PIK3R5: variants seen among roughly 807,000 people sequenced by gnomAD.
The protein encoded by PIK3R5 is phosphoinositide-3-kinase regulatory subunit 5.
A neutral mutation model predicts 94.9 loss-of-function variants in PIK3R5; 32 were observed. That is an observed-to-expected ratio of 0.34 (90% CI 0.25 to 0.45). PIK3R5 has a LOEUF of 0.45. PIK3R5 is among the 20% of genes least tolerant of loss of function. The pLI, the probability that PIK3R5 is intolerant of heterozygous loss-of-function variation, is 1.00. For missense variants in PIK3R5, 853 were observed against 1,144.6 expected (o/e 0.75, Z 3.68); for synonymous variants, 443 against 479.4 (o/e 0.92, Z 0.99).
Position 8,888,880 on chromosome 17 carries a change from C to G in PIK3R5, c.907G>C (p.Glu303Gln). 6.3e-7 allele frequency: 1 copy of G among 1,598,368 alleles called. No individual in the cohort carries two copies. The highest frequency in any genetic ancestry group is 8.5e-7 in the Non-Finnish European group (1 of 1,176,498). Residue 303 changes from glutamate (E) to glutamine (Q), a missense_variant, in exon 10 of 19, where the codon GAA becomes CAA. Coordinates refer to ENST00000447110, the MANE Select transcript of PIK3R5 (RefSeq NM_001142633.3). This position sits in a 1 kb window ranked among gnomAD's most constrained non-coding sequence, Gnocchi z 7.8. ...WSQDSFDILQ[E>Q]ILLKEQELLQ... The stretch of plus-strand genomic sequence containing the variant: ...AGCTCCTGTTCCTTGAGCAGGATTT[C>G]CTGCAGGATGTCTGCAGGGAAGCAA...
rs149539995 is a variant in PIK3R5 at position 8,880,591 on chromosome 17, C to T, written c.*48G>A. ...AGAGGGACTGTCCTGGAGGGGTGGC[C>T]GAGGAGGTTGCCCCAGGGCTTCTGT... is the stretch of plus-strand genomic sequence containing the variant. On this transcript the variant is annotated 3_prime_UTR_variant, in exon 19 of 19. Transcript: ENST00000447110. 3.6e-5 allele frequency: 55 copies of T among 1,529,896 alleles called. No homozygotes were observed. The East Asian group carries it at 1.1e-3, about 32-fold the overall frequency. 94.8% of individuals were successfully genotyped at this position (1,529,896 alleles called of 1,614,324 possible). A position where few individuals can be genotyped will look rare whatever the true frequency, so the allele number is the denominator to read the frequency against.
rs562925455 is a variant in PIK3R5 at position 8,952,678 on chromosome 17, T to C, written c.-14+12918A>G. Among the ~76,000 whole-genome samples, 5 of 152,344 alleles carry C rather than the reference T, an allele frequency of 3.3e-5. No homozygotes were observed. The South Asian group carries it at 8.3e-4, about 25-fold the overall frequency. The stretch of plus-strand genomic sequence containing the variant: ...TCTCTTACTGGTCAATAAAGTACCA[T>C]GAGAATAAATTATGGGCATTATTAC... On this transcript the variant is annotated intron_variant, in intron 1 of 18. Coordinates refer to ENST00000447110, the MANE Select transcript of PIK3R5 (RefSeq NM_001142633.3).
At chr17:8,949,241 G>T (rs188531565) in intron 1 of PIK3R5, among the ~76,000 whole-genome samples, 1 of 152,334 alleles carries the variant, frequency 6.6e-6, no homozygotes, top group Admixed American at 6.5e-5. Context: ...TTACTCAAGC[G>T]CCATGTGGAG....
chr17:8,957,357 C>T (rs901074294), intron 1 of PIK3R5, among the ~76,000 whole-genome samples: 5 of 152,138 alleles, frequency 3.3e-5, no homozygotes, highest in Non-Finnish European at 5.9e-5. Context: ...TTACAATTTT[C>T]CTTCTGTCAT....
At chr17:8,931,453 C>T (rs1567661637) in intron 1 of PIK3R5, among the ~76,000 whole-genome samples, 1 of 152,122 alleles carries the variant, frequency 6.6e-6, no homozygotes, top group Non-Finnish European at 1.5e-5. Context: ...ACTGTAATCC[C>T]TCAGGGAAGG....
At position 8,928,452 on chromosome 17, in the gene PIK3R5, T is replaced by A. The variant is rs552949340; in HGVS notation, c.-13-16945A>T. Among the ~76,000 whole-genome samples the A allele has an allele frequency of 6.8e-4, 104 of 152,282 alleles. 2 individuals are homozygous for A. In the Middle Eastern group the frequency reaches 0.034, roughly 50 times the overall value. On this transcript the variant is annotated intron_variant, in intron 1 of 18. Coordinates refer to ENST00000447110, the MANE Select transcript of PIK3R5 (RefSeq NM_001142633.3). ...AAGCCAAGAAATACACACCAAGACATCTCATAGTCAAAATTCTGAAAACTA... is the reference window on the plus strand; with the variant it reads ...AAGCCAAGAAATACACACCAAGACAACTCATAGTCAAAATTCTGAAAACTA...
chr17:8,924,421 G>A (rs553242174), intron 1 of PIK3R5, among the ~76,000 whole-genome samples: 1 of 152,170 alleles, frequency 6.6e-6, no homozygotes, highest in East Asian at 1.9e-4. Flanking sequence ...TTTCTAGTTT[G>A]TAAGACAGAT....
At position 8,884,739 on chromosome 17, in the gene PIK3R5, C is replaced by T. The variant is rs553405319; in HGVS notation, c.2173G>A (p.Val725Ile). 12 of 1,613,388 alleles carry T rather than the reference C, an allele frequency of 7.4e-6. No individual in the cohort carries two copies. The South Asian group carries it at 1.2e-4, about 16-fold the overall frequency. The change falls in exon 15 of 19, where the codon GTT becomes ATT. Residue 725 changes from valine to isoleucine, a missense_variant. Physicochemically the swap from Val to Ile is conservative, Grantham distance 29. Coordinates refer to ENST00000447110, the MANE Select transcript of PIK3R5 (RefSeq NM_001142633.3). The surrounding 1 kb of genome is among the most constrained non-coding windows in gnomAD (Gnocchi z 5.8). ...RLGIDGDREA[V>I]PLTLQIIYSK... ...TAAATAATCTGTAGTGTTAGAGGAA[C>T]AGCCTCCCGGTCGCCATCGATGCCC...
chr17:8,955,920 C>G lies in PIK3R5; in HGVS notation c.-14+9676G>C, dbSNP rs1018808224. On this transcript the variant is annotated intron_variant, in intron 1 of 18. Coordinates refer to ENST00000447110, the MANE Select transcript of PIK3R5 (RefSeq NM_001142633.3). The surrounding 1 kb of genome is among the most constrained non-coding windows in gnomAD (Gnocchi z 4.4). ...AAATAACCCGCATGTACTTGGAGGC[C>G]GAAGCAGGTAGATCACTTGAGCCCA... Among the ~76,000 whole-genome samples, 1 of 152,034 alleles carries G rather than the reference C, an allele frequency of 6.6e-6. No individual in the cohort carries two copies. The highest frequency in any genetic ancestry group is 1.5e-5 in the Non-Finnish European group (1 of 68,010).
At chr17:8,953,017 C>T (rs928100174) in intron 1 of PIK3R5, among the ~76,000 whole-genome samples, 4 of 152,194 alleles carry the variant, frequency 2.6e-5, no homozygotes, top group Non-Finnish European at 5.9e-5. Context: ...GCATTCTTGA[C>T]CAGCTACATC....
rs1326339652 is a variant in PIK3R5, at chr17:8,963,137, C to T, written c.-14+2459G>A. Among the ~76,000 whole-genome samples the T allele has an allele frequency of 3.3e-5, 5 of 152,222 alleles. No homozygotes were observed. In the East Asian group the frequency reaches 7.7e-4, roughly 24 times the overall value. On this transcript the variant is annotated intron_variant, in intron 1 of 18. Coordinates refer to ENST00000447110, the MANE Select transcript of PIK3R5 (RefSeq NM_001142633.3). The stretch of plus-strand genomic sequence containing the variant: ...GGATTATAGGCATGAACCACTATGC[C>T]TGGCCAGCTTTCTTTCTTAACACAT...
At chr17:8,962,125 G>C (rs998633711) in intron 1 of PIK3R5, among the ~76,000 whole-genome samples, 1 of 152,208 alleles carries the variant, frequency 6.6e-6, no homozygotes, top group African/African-American at 2.4e-5. Context: ...CCCAGCTCTG[G>C]CACCACCTAA....
intron 1 of PIK3R5, among the ~76,000 whole-genome samples, chr17:8,953,625 G>A (rs376902637): frequency 4.6e-4 from 70 of 152,158 alleles, no homozygotes; most frequent in Admixed American, 6.5e-5. Context: ...ACAACCTCAG[G>A]TCTTCAGAAG....
Position 8,880,883 on chromosome 17 carries a change from C to A in PIK3R5, c.2495+22G>T, listed in dbSNP as rs746802018. 5 of 1,613,064 alleles carry A rather than the reference C, an allele frequency of 3.1e-6. No homozygotes were observed. The East Asian group carries it at 1.1e-4, about 36-fold the overall frequency. ...TGGTGGGAGCAGAAACTGCTCCCCT[C>A]CCTAGGACCCCCCTTTCCTACCTGA... is the stretch of plus-strand genomic sequence containing the variant. On this transcript the variant is annotated intron_variant, in intron 18 of 18. Coordinates refer to ENST00000447110, the MANE Select transcript of PIK3R5 (RefSeq NM_001142633.3).
chr17:8,962,945 A>C (rs1450130931), intron 1 of PIK3R5, among the ~76,000 whole-genome samples: 1 of 151,826 alleles, frequency 6.6e-6, no homozygotes, highest in African/African-American at 2.4e-5. Context: ...GTTAAGGATC[A>C]CTCTATCTTC....
rs932567511 is a variant in PIK3R5, at chr17:8,892,155, C to T, written c.483-1243G>A. ...TGCGTTTAAACCCAGTGCAAAGGAGCACCACGCAGGGCAGCATTCCCTCCA... is the reference window on the plus strand; with the variant it reads ...TGCGTTTAAACCCAGTGCAAAGGAGTACCACGCAGGGCAGCATTCCCTCCA... On this transcript the variant is annotated intron_variant, in intron 6 of 18. Coordinates refer to ENST00000447110, the MANE Select transcript of PIK3R5 (RefSeq NM_001142633.3). This position sits in a 1 kb window ranked among gnomAD's most constrained non-coding sequence, Gnocchi z 4.3. 1.2e-4 allele frequency among the ~76,000 whole-genome samples: 19 copies of T among 152,150 alleles called. No individual in the cohort carries two copies. Among genetic ancestry groups the T allele is most frequent in the African/African-American group, 4.3e-4 (18 of 41,430 alleles).
At chr17:8,957,985 G>A (rs1036667647) in intron 1 of PIK3R5, among the ~76,000 whole-genome samples, 1 of 152,160 alleles carries the variant, frequency 6.6e-6, no homozygotes. Flanking sequence ...CACAGAAAAG[G>A]AAAATAGAGG....
At chr17:8,924,756 C>T (rs923544974) in intron 1 of PIK3R5, among the ~76,000 whole-genome samples, 4 of 152,154 alleles carry the variant, frequency 2.6e-5, no homozygotes, top group African/African-American at 9.7e-5. Context: ...TGCTTTAGAG[C>T]GAAACCTCTC....
At chr17:8,916,743 C>T (rs2090638624) in intron 1 of PIK3R5, 1 of 152,348 alleles carries the variant, frequency 6.6e-6, no homozygotes, top group Admixed American at 6.5e-5. Context: ...GAGGGCTCAT[C>T]TTCCCTCTGG....
Sources: allele counts gnomAD v4.1 joint callset (sites outside exome capture counted in the v4.1 genomes callset), GRCh38; gene constraint gnomAD v4.1.1; non-coding constraint Gnocchi (gnomAD v3.1); transcripts MANE v1.5; gene names NCBI Gene and HGNC (gene_info 2026-07-23, HGNC 2026-07-21).